SOS1: variants seen among roughly 807,000 people sequenced by gnomAD.
SOS1 encodes SOS Ras/Rac guanine nucleotide exchange factor 1.
SOS1 carries 25 observed loss-of-function variants against 157.6 expected under a neutral mutation model. The observed-to-expected ratio is 0.16, with a 90% CI of 0.12 to 0.22. SOS1 has a LOEUF of 0.22. Among genes scored for constraint, SOS1 ranks in the 10% least tolerant of loss-of-function variants. SOS1 has a pLI of 1.00. For synonymous variants in SOS1, 528 were observed against 534.0 expected (o/e 0.99, Z 0.16); for missense variants, 1,237 against 1,599.1 (o/e 0.77, Z 3.86).
At chr2:39,109,034 A>G (rs1216567607) in intron 1 of SOS1, among the ~76,000 whole-genome samples, 1 of 152,006 alleles carries the variant, frequency 6.6e-6, no homozygotes, top group African/African-American at 2.4e-5. Flanking sequence ...CCCCGTCTCT[A>G]CCAAAAATAC....
Position 39,101,631 on chromosome 2 carries a change from G to C in SOS1, c.87+18705C>G, listed in dbSNP as rs183573060. ...GCAACATTTATATTAGGAGTATAAGGAAATGTTTAAAATATACTTAAAAAA... is the reference window on the plus strand; with the variant it reads ...GCAACATTTATATTAGGAGTATAAGCAAATGTTTAAAATATACTTAAAAAA... On this transcript the variant is annotated intron_variant, in intron 1 of 22. Coordinates refer to ENST00000402219, the MANE Select transcript of SOS1 (RefSeq NM_005633.4). Among the ~76,000 whole-genome samples the C allele has an allele frequency of 7.3e-3, 1,106 of 152,006 alleles. 12 individuals are homozygous for C. Among genetic ancestry groups the C allele is most frequent in the African/African-American group, 0.026 (1,063 of 41,444 alleles).
intron 1 of SOS1, among the ~76,000 whole-genome samples, chr2:39,116,398 A>G (rs1179662964): frequency 2.0e-5 from 3 of 152,214 alleles, no homozygotes; most frequent in Admixed American, 1.3e-4. Flanking sequence ...ATCCACATCC[A>G]TATTTCCATC....
chr2:39,035,714 CTTATATG>C (rs1670318571), intron 6 of SOS1, among the ~76,000 whole-genome samples: 1 of 151,992 alleles, frequency 6.6e-6, no homozygotes, highest in Admixed American at 6.6e-5. Flanking sequence ...TAATAAAATC[CTTATATG>C]TTATAACAGC....
intron 1 of SOS1, 43 bp downstream of exon 1, chr2:39,120,293 T>A: frequency 6.6e-7 from 1 of 1,524,986 alleles, no homozygotes; most frequent in Non-Finnish European, 8.8e-7. Context: ...GCGCCCGCGC[T>A]GGGGGGCTGC....
chr2:39,045,850 A>T (rs570054953), intron 6 of SOS1, among the ~76,000 whole-genome samples: 1 of 152,202 alleles, frequency 6.6e-6, no homozygotes, highest in Admixed American at 6.5e-5. Context: ...CTGGGATTAC[A>T]GGTGCACACC....
intron 1 of SOS1, among the ~76,000 whole-genome samples, chr2:39,096,841 G>A (rs543856910): frequency 4.6e-5 from 7 of 151,570 alleles, no homozygotes; most frequent in South Asian, 2.1e-4. Flanking sequence ...AGCCGAGATC[G>A]CGCCACTGCA....
rs1673829011 is a variant in SOS1 at position 39,120,433 on chromosome 2, G to A, written c.-11C>T. On this transcript the variant is annotated 5_prime_UTR_variant, in exon 1 of 23. Transcript: ENST00000402219. ...CTGCTGCGCCTGCATGGTGCCCCCG[G>A]GGCGCCTCTGGGCGGGGAGAGGGGC... 1.3e-6 allele frequency: 2 copies of A among 1,571,894 alleles called. No individual in the cohort carries two copies. Among genetic ancestry groups the A allele is most frequent in the Non-Finnish European group, 1.7e-6 (2 of 1,161,590 alleles).
At chr2:39,074,961 T>C (rs897100435) in intron 1 of SOS1, among the ~76,000 whole-genome samples, 6 of 151,362 alleles carry the variant, frequency 4.0e-5, no homozygotes, top group Non-Finnish European at 8.8e-5. Context: ...AAAGTACATG[T>C]AGGGAGACTG....
At chr2:39,097,098 C>T (rs918960571) in intron 1 of SOS1, among the ~76,000 whole-genome samples, 3 of 152,040 alleles carry the variant, frequency 2.0e-5, no homozygotes, top group Non-Finnish European at 4.4e-5. Context: ...TTACTATTTT[C>T]TTAAACTCAA....
At chr2:39,071,043 T>C (rs116492168) in intron 1 of SOS1, among the ~76,000 whole-genome samples, 409 of 152,224 alleles carry the variant, frequency 2.7e-3, no homozygotes, top group Non-Finnish European at 4.4e-3. Flanking sequence ...TTTTTTAGTA[T>C]TTTTAGTAGA....
chr2:39,120,704 C>T lies in SOS1; in HGVS notation c.-282G>A, dbSNP rs1673848554. On this transcript the variant is annotated 5_prime_UTR_variant, in exon 1 of 23. Transcript: ENST00000402219. The stretch of plus-strand genomic sequence containing the variant: ...CCCGGGGCCAGGCCCCCCGCCCCTC[C>T]CCGGCCCGCCGGCGCCGCCCCGGGC... Among the ~76,000 whole-genome samples, 1 of 146,762 alleles carries T rather than the reference C, an allele frequency of 6.8e-6. No individual in the cohort carries two copies. Among genetic ancestry groups the T allele is most frequent in the Non-Finnish European group, 1.5e-5 (1 of 65,944 alleles).
Position 38,985,937 on chromosome 2 carries a change from T to G in SOS1, c.3889A>C (p.Ser1297Arg). 6.2e-7 allele frequency: 1 copy of G among 1,613,952 alleles called. No individual in the cohort carries two copies. Among genetic ancestry groups the G allele is most frequent in the Non-Finnish European group, 8.5e-7 (1 of 1,179,890 alleles). Reference protein sequence around the residue: ...IAGPPVPPRQSTSQHIPKLPP... With the variant: ...IAGPPVPPRQRTSQHIPKLPP... ...AGTTTAGGGATATGTTGAGAAGTGCTTTGTCGTGGAGGAACAGGCGGCCCA... is the reference window on the plus strand; with the variant it reads ...AGTTTAGGGATATGTTGAGAAGTGCGTTGTCGTGGAGGAACAGGCGGCCCA... Residue 1297 changes from serine (S) to arginine (R), a missense_variant, in exon 23 of 23, where the codon AGC (serine) becomes CGC (arginine). Physicochemically the swap from Ser to Arg is moderately radical, Grantham distance 110 (BLOSUM62 -1). Transcript: ENST00000402219.
chr2:39,031,560 TG>T (rs1028095532), intron 8 of SOS1, among the ~76,000 whole-genome samples: 4 of 152,094 alleles, frequency 2.6e-5, no homozygotes, highest in Admixed American at 1.3e-4. Flanking sequence ...CAAAACCCTT[TG>T]TCTACTAAAA....
intron 1 of SOS1, among the ~76,000 whole-genome samples, chr2:39,118,439 CATT>C (rs1245621415): frequency 2.6e-5 from 4 of 152,328 alleles, no homozygotes; most frequent in East Asian, 1.9e-4. Flanking sequence ...TGTTTAGAAT[CATT>C]GTTAGTGGCT....
intron 15 of SOS1, among the ~76,000 whole-genome samples, chr2:39,009,102 G>T (rs1263471411): frequency 6.6e-6 from 1 of 152,002 alleles, no homozygotes; most frequent in African/African-American, 2.4e-5. Context: ...GAAAAAGAAG[G>T]AAAGGAAGGT....
chr2:39,079,552 T>C lies in SOS1; in HGVS notation c.88-11799A>G, dbSNP rs188106328. ...CTCTGTCGCCCAGGTTGGAGTGTAGTAGTGTGATCTCGGCTCACTGCAACC... is the reference window on the plus strand; with the variant it reads ...CTCTGTCGCCCAGGTTGGAGTGTAGCAGTGTGATCTCGGCTCACTGCAACC... On this transcript the variant is annotated intron_variant, in intron 1 of 22. Coordinates refer to ENST00000402219, the MANE Select transcript of SOS1 (RefSeq NM_005633.4). 4.1e-5 allele frequency among the ~76,000 whole-genome samples: 6 copies of C among 146,142 alleles called. No individual in the cohort carries two copies. In the East Asian group the frequency reaches 1.0e-3, roughly 25 times the overall value.
At chr2:39,054,944 T>A in intron 4 of SOS1, 121 bp from the exon 5 acceptor site, 2 of 649,682 alleles carry the variant, frequency 3.1e-6, no homozygotes, top group East Asian at 2.7e-5. Context: ...ACAAACAAAT[T>A]TCTCTTCTTG....
chr2:38,999,327 C>T (rs1669011075), intron 17 of SOS1, among the ~76,000 whole-genome samples: 1 of 152,116 alleles, frequency 6.6e-6, no homozygotes, highest in Non-Finnish European at 1.5e-5. Context: ...TGAGGATAGA[C>T]ATAGGCAAGG....
At chr2:39,101,836 G>C (rs1477970738) in intron 1 of SOS1, among the ~76,000 whole-genome samples, 2 of 152,116 alleles carry the variant, frequency 1.3e-5, no homozygotes, top group African/African-American at 2.4e-5. Context: ...GCTACTCACT[G>C]CTTGAGCAAA....
Sources: allele counts gnomAD v4.1 joint callset (sites outside exome capture counted in the v4.1 genomes callset), GRCh38; gene constraint gnomAD v4.1.1; transcripts MANE v1.5; gene names NCBI Gene and HGNC (gene_info 2026-07-23, HGNC 2026-07-21).